Variants in SLC25A21 observed in about 807,000 individuals in gnomAD.
SLC25A21 encodes mitochondrial 2-oxodicarboxylate carrier.
Under a neutral mutation model 43.8 loss-of-function variants are expected in SLC25A21, and 47 were observed. That is an observed-to-expected ratio of 1.07 (90% CI 0.85 to 1.37). The LOEUF is 1.37. SLC25A21 is among the 40% of genes most tolerant of loss of function. SLC25A21 has a pLI of 0.00. For missense variants in SLC25A21, 352 were observed against 350.2 expected, an observed-to-expected ratio of 1.00 and a Z score of -0.04; for synonymous variants, 131 against 121.3, an observed-to-expected ratio of 1.08 and a Z score of -0.52.
At chr14:36,784,450 T>C (rs889160790) in intron 3 of SLC25A21, among the ~76,000 whole-genome samples, 3 of 152,164 alleles carry the variant, frequency 2.0e-5, no homozygotes, top group African/African-American at 7.2e-5. Flanking sequence ...GCCTGAGACC[T>C]CTTCTAAGCA....
At chr14:37,058,178 A>G (rs958646295) in intron 1 of SLC25A21, among the ~76,000 whole-genome samples, 11 of 152,242 alleles carry the variant, frequency 7.2e-5, no homozygotes, top group Non-Finnish European at 1.3e-4. Flanking sequence ...AGATATTCAT[A>G]CAATTCAATG....
At chr14:37,145,215 G>A (rs1338199728) in intron 1 of SLC25A21, among the ~76,000 whole-genome samples, 1 of 151,982 alleles carries the variant, frequency 6.6e-6, no homozygotes, top group Non-Finnish European at 1.5e-5. Flanking sequence ...CTGGTATCAG[G>A]CATTAAGACA....
chr14:36,928,527 C>T (rs533421149), intron 1 of SLC25A21, among the ~76,000 whole-genome samples: 1 of 152,186 alleles, frequency 6.6e-6, no homozygotes, highest in Non-Finnish European at 1.5e-5. Flanking sequence ...CATTATGGAT[C>T]TATGCTTATC....
At chr14:37,004,369 C>A (rs542986266) in intron 1 of SLC25A21, among the ~76,000 whole-genome samples, 1 of 152,314 alleles carries the variant, frequency 6.6e-6, no homozygotes, top group East Asian at 1.9e-4. Context: ...AATGTTTTAT[C>A]TACTAACCTA....
intron 1 of SLC25A21, among the ~76,000 whole-genome samples, chr14:37,160,708 T>C (rs1963924706): frequency 6.6e-6 from 1 of 151,890 alleles, no homozygotes; most frequent in Non-Finnish European, 1.5e-5. Context: ...AGTAGGCAGA[T>C]CACTTGAGGT....
intron 1 of SLC25A21, among the ~76,000 whole-genome samples, chr14:37,017,715 CTTA>C (rs999114335): frequency 3.3e-5 from 5 of 151,836 alleles, no homozygotes; most frequent in African/African-American, 1.2e-4. Flanking sequence ...TCTAAAATCA[CTTA>C]TTATTATTAT....
chr14:37,024,369 C>T (rs575241864), intron 1 of SLC25A21, among the ~76,000 whole-genome samples: 145 of 152,100 alleles, frequency 9.5e-4, no homozygotes, highest in African/African-American at 3.3e-3. Flanking sequence ...CAACAGAGGG[C>T]AGTGTGTTGA....
intron 1 of SLC25A21, among the ~76,000 whole-genome samples, chr14:36,922,458 C>T (rs1320776705): frequency 1.3e-5 from 2 of 151,958 alleles, no homozygotes; most frequent in Non-Finnish European, 2.9e-5. Context: ...AAGGCCAAGG[C>T]AGCTCCAATT....
At chr14:36,741,250 T>C (rs1177449960) in intron 3 of SLC25A21, among the ~76,000 whole-genome samples, 4 of 152,196 alleles carry the variant, frequency 2.6e-5, no homozygotes, top group Non-Finnish European at 5.9e-5. Context: ...GTTACTAGGC[T>C]ACTAGGTTTT....
At chr14:37,168,042 G>C (rs1964061325) in intron 1 of SLC25A21, among the ~76,000 whole-genome samples, 2 of 152,102 alleles carry the variant, frequency 1.3e-5, no homozygotes, top group Non-Finnish European at 2.9e-5. Flanking sequence ...CAGCAGGCAA[G>C]GTGAACCTGC....
At chr14:37,066,231 C>G (rs1392776483) in intron 1 of SLC25A21, among the ~76,000 whole-genome samples, 1 of 152,134 alleles carries the variant, frequency 6.6e-6, no homozygotes, top group Non-Finnish European at 1.5e-5. Context: ...AAGGGAACAT[C>G]ACACAAACCC....
chr14:36,775,263 A>G (rs1242042751), intron 3 of SLC25A21, among the ~76,000 whole-genome samples: 2 of 152,224 alleles, frequency 1.3e-5, no homozygotes, highest in Non-Finnish European at 2.9e-5. Context: ...GGGGAAGAAT[A>G]GAAACTCAGT....
rs546432545 is a variant in SLC25A21, at chr14:37,106,517, C to T, written c.70+65764G>A. Among the ~76,000 whole-genome samples the T allele has an allele frequency of 6.6e-5, 10 of 152,060 alleles. No individual in the cohort carries two copies. The South Asian group carries it at 1.7e-3, about 25-fold the overall frequency. On this transcript the variant is annotated intron_variant, in intron 1 of 9. Transcript: ENST00000331299. ...CACCCTGGTAAATTTAAGGTCAGAC[C>T]GGTTCTCTGACCTTAAAAAACAACC...
chr14:37,015,008 T>C (rs773148521), intron 1 of SLC25A21, among the ~76,000 whole-genome samples: 1 of 152,052 alleles, frequency 6.6e-6, no homozygotes, highest in Non-Finnish European at 1.5e-5. Flanking sequence ...TGTTGTTCCA[T>C]TTATAGGGCA....
At chr14:36,684,178 A>G (rs1882422706) in intron 8 of SLC25A21, among the ~76,000 whole-genome samples, 1 of 152,232 alleles carries the variant, frequency 6.6e-6, no homozygotes, top group Non-Finnish European at 1.5e-5. Flanking sequence ...GTATATGGAC[A>G]GAATGACTTT....
At chr14:36,963,647 A>C (rs2138677254) in intron 1 of SLC25A21, among the ~76,000 whole-genome samples, 1 of 152,294 alleles carries the variant, frequency 6.6e-6, no homozygotes, top group East Asian at 1.9e-4. Context: ...CCCTATCTGC[A>C]ACATGAGCTG....
At chr14:36,833,077 G>T (rs1889091953) in intron 2 of SLC25A21, among the ~76,000 whole-genome samples, 1 of 152,098 alleles carries the variant, frequency 6.6e-6, no homozygotes, top group African/African-American at 2.4e-5. Flanking sequence ...AGCTATATCA[G>T]GCATTAAGGA....
At chr14:36,779,586 AGAAAG>A (rs1482195857) in intron 3 of SLC25A21, among the ~76,000 whole-genome samples, 12 of 138,480 alleles carry the variant, frequency 8.7e-5, no homozygotes, top group East Asian at 4.1e-4. Flanking sequence ...GTCTTTTAAA[AGAAAG>A]GAATGTATAT....
intron 6 of SLC25A21, among the ~76,000 whole-genome samples, chr14:36,723,404 CTAAA>C (rs1884455429): frequency 2.0e-5 from 3 of 152,250 alleles, no homozygotes; most frequent in African/African-American, 7.2e-5. Context: ...TTGCTAAATT[CTAAA>C]TAAAGTCACT....
Sources: allele counts gnomAD v4.1 joint callset (sites outside exome capture counted in the v4.1 genomes callset), GRCh38; gene constraint gnomAD v4.1.1; transcripts MANE v1.5; gene names NCBI Gene and HGNC (gene_info 2026-07-23, HGNC 2026-07-21).